The following CPEB3 variants were observed in gnomAD, a reference collection of about 807,000 sequenced individuals.
The protein encoded by CPEB3 is cytoplasmic polyadenylation element-binding protein 3.
CPEB3 carries 20 observed loss-of-function variants against 67.2 expected under a neutral mutation model. That is an observed-to-expected ratio of 0.30 (90% CI 0.21 to 0.43). The LOEUF (loss-of-function observed/expected upper bound fraction) is 0.43, where lower values mean the gene tolerates loss of function less well. Ranked by LOEUF, CPEB3 falls within the 20% of genes least tolerant of loss-of-function variation. The pLI, the probability that CPEB3 is intolerant of heterozygous loss-of-function variation, is 1.00. For missense variants in CPEB3, 746 were observed against 968.6 expected, an observed-to-expected ratio of 0.77 and a Z score of 3.05; for synonymous variants, 376 against 393.1, an observed-to-expected ratio of 0.96 and a Z score of 0.51.
intron 2 of CPEB3, among the ~76,000 whole-genome samples, chr10:92,212,728 G>A (rs568438385): frequency 4.0e-4 from 61 of 152,154 alleles, no homozygotes; most frequent in Non-Finnish European, 5.0e-4. Context: ...TATTGATCAT[G>A]TGTTGAAATA....
At chr10:92,079,927 G>A (rs1353128845) in intron 9 of CPEB3, among the ~76,000 whole-genome samples, 4 of 151,896 alleles carry the variant, frequency 2.6e-5, no homozygotes, top group Non-Finnish European at 2.9e-5. Context: ...TCGGCCAGGC[G>A]CGGTGGCTCA....
intron 6 of CPEB3, among the ~76,000 whole-genome samples, chr10:92,141,570 A>G (rs979697272): frequency 6.6e-6 from 1 of 152,108 alleles, no homozygotes; most frequent in African/African-American, 2.4e-5. Flanking sequence ...AGCATGGCAC[A>G]TGTATACATA....
intron 1 of CPEB3, among the ~76,000 whole-genome samples, chr10:92,271,826 T>C (rs1853320719): frequency 6.6e-6 from 1 of 152,210 alleles, no homozygotes; most frequent in African/African-American, 2.4e-5. Flanking sequence ...CCACTAATTT[T>C]AGCATCCATT....
intron 9 of CPEB3, among the ~76,000 whole-genome samples, chr10:92,077,663 G>A (rs1001087936): frequency 2.0e-5 from 3 of 152,032 alleles, no homozygotes; most frequent in Non-Finnish European, 2.9e-5. Flanking sequence ...AGTGGTTGAG[G>A]TGGGAAAATC....
Position 92,106,744 on chromosome 10 carries a change from G to A in CPEB3, c.1572+4332C>T, listed in dbSNP as rs375376026. 1.5e-4 allele frequency among the ~76,000 whole-genome samples: 22 copies of A among 142,730 alleles called. 3 individuals are homozygous for A. The highest frequency in any genetic ancestry group is 1.2e-3 in the Admixed American group (16 of 13,076). The allele number at this position is 142,730 out of a possible 152,430, so 93.6% of individuals were successfully genotyped here. On this transcript the variant is annotated intron_variant, in intron 7 of 9. Transcript: ENST00000265997. Reference sequence around the variant, plus strand: ...GCAGGTGAATCACTTGAACTCAGAAGGCAGAGGTTGCAGTGTGCTGAGATC... The same window carrying A: ...GCAGGTGAATCACTTGAACTCAGAAAGCAGAGGTTGCAGTGTGCTGAGATC...
chr10:92,119,458 T>G (rs1391030088), intron 6 of CPEB3, among the ~76,000 whole-genome samples: 2 of 152,190 alleles, frequency 1.3e-5, no homozygotes, highest in East Asian at 3.8e-4. Context: ...GGCTTTGATT[T>G]GTGCCAAAGG....
intron 9 of CPEB3, among the ~76,000 whole-genome samples, chr10:92,053,462 C>G (rs1043745582): frequency 1.3e-5 from 2 of 151,696 alleles, no homozygotes; most frequent in African/African-American, 4.8e-5. Flanking sequence ...CTCCCAGGTT[C>G]AAGTGATTCT....
intron 2 of CPEB3, among the ~76,000 whole-genome samples, chr10:92,225,836 C>T (rs1055068091): frequency 1.4e-4 from 21 of 152,170 alleles, no homozygotes; most frequent in Non-Finnish European, 1.9e-4. Flanking sequence ...CAGTGGCTCA[C>T]GCCTGTAATC....
At chr10:92,188,953 G>A (rs1848829365) in intron 3 of CPEB3, among the ~76,000 whole-genome samples, 1 of 152,062 alleles carries the variant, frequency 6.6e-6, no homozygotes, top group East Asian at 1.9e-4. Context: ...AACTATTAAA[G>A]CTTATTTACT....
Position 92,047,386 on chromosome 10 carries a change from A to C in CPEB3, c.*4826T>G, listed in dbSNP as rs192461259. 1.3e-5 allele frequency: 2 copies of C among 152,322 alleles called. No individual in the cohort carries two copies. The highest frequency in any genetic ancestry group is 1.3e-4 in the Admixed American group (2 of 15,300). The allele number at this position is 152,322 out of a possible 1,614,324, so 9.4% of individuals were successfully genotyped here. ...TTCACTAATCTGTGACTAATCTTTC[A>C]CTCAAACCTTGCAAGTAGAGATGTC... On this transcript the variant is annotated 3_prime_UTR_variant, in exon 10 of 10. Coordinates refer to ENST00000265997, the MANE Select transcript of CPEB3 (RefSeq NM_014912.5).
intron 9 of CPEB3, among the ~76,000 whole-genome samples, chr10:92,072,104 T>C (rs889597230): frequency 6.6e-6 from 1 of 152,106 alleles, no homozygotes; most frequent in Non-Finnish European, 1.5e-5. Context: ...CTTTTCAGTA[T>C]CGAAAAGATA....
At chr10:92,156,979 C>T (rs183003327) in intron 4 of CPEB3, among the ~76,000 whole-genome samples, 24 of 152,212 alleles carry the variant, frequency 1.6e-4, no homozygotes, top group African/African-American at 4.1e-4. Context: ...GCATCATTAT[C>T]TTCTCTTCAT....
chr10:92,194,244 A>G (rs1342228013), intron 2 of CPEB3, among the ~76,000 whole-genome samples: 3 of 151,824 alleles, frequency 2.0e-5, no homozygotes, highest in African/African-American at 7.3e-5. Context: ...GACTGAGATC[A>G]TCCTAGCCAA....
At chr10:92,092,491 ACT>A (rs956145939) in intron 7 of CPEB3, among the ~76,000 whole-genome samples, 1 of 152,144 alleles carries the variant, frequency 6.6e-6, no homozygotes, top group Non-Finnish European at 1.5e-5. Flanking sequence ...CACAAAGAGT[ACT>A]CTCTGGCTGG....
intron 4 of CPEB3, among the ~76,000 whole-genome samples, chr10:92,150,705 T>C (rs964312951): frequency 6.6e-6 from 1 of 152,188 alleles, no homozygotes; most frequent in African/African-American, 2.4e-5. Flanking sequence ...ACCTAAATTG[T>C]GCCCCAGGAG....
intron 1 of CPEB3, chr10:92,272,156 G>C (rs1025626961): frequency 1.3e-5 from 2 of 152,054 alleles, no homozygotes; most frequent in Non-Finnish European, 2.9e-5. Context: ...TTTAAGACTA[G>C]TCAAGTGTGA....
At chr10:92,166,202 G>A (rs754237313) in intron 4 of CPEB3, among the ~76,000 whole-genome samples, 2 of 151,202 alleles carry the variant, frequency 1.3e-5, no homozygotes, top group African/African-American at 2.4e-5. Context: ...TCCGTCTCCC[G>A]GGTTCAAGTG....
chr10:92,077,470 T>C (rs541680015), intron 9 of CPEB3, among the ~76,000 whole-genome samples: 2 of 152,074 alleles, frequency 1.3e-5, no homozygotes, highest in South Asian at 2.1e-4. Context: ...AAAGAAAGGA[T>C]GTTGGGCCGA....
At chr10:92,273,180 T>C (rs934474820) in intron 1 of CPEB3, among the ~76,000 whole-genome samples, 11 of 152,198 alleles carry the variant, frequency 7.2e-5, no homozygotes, top group Non-Finnish European at 1.6e-4. Flanking sequence ...GATTTTCATA[T>C]ATTATATTTT....
Sources: allele counts gnomAD v4.1 joint callset (sites outside exome capture counted in the v4.1 genomes callset), GRCh38; gene constraint gnomAD v4.1.1; transcripts MANE v1.5; gene names NCBI Gene and HGNC (gene_info 2026-07-23, HGNC 2026-07-21).